The following AP5Z1 variants were observed in gnomAD, a reference collection of about 807,000 sequenced individuals.
The protein encoded by AP5Z1 is adaptor related protein complex 5 subunit zeta 1.
Under a neutral mutation model 83.0 loss-of-function variants are expected in AP5Z1, and 106 were observed. That is an observed-to-expected ratio of 1.28 (90% confidence interval 1.09 to 1.50). The LOEUF is 1.50. Ranked by LOEUF, AP5Z1 falls within the 40% of genes most tolerant of loss-of-function variation. The pLI, the probability that AP5Z1 is intolerant of heterozygous loss-of-function variation, is 0.00. For synonymous variants in AP5Z1, 751 were observed against 514.1 expected (o/e 1.46, Z -6.23); for missense variants, 1,565 against 1,094.2 (o/e 1.43, Z -6.07).
chr7:4,781,543 C>A (rs1282090490), intron 2 of AP5Z1, 25 bp from the exon 3 acceptor site: 2 of 1,599,062 alleles, frequency 1.3e-6, no homozygotes, highest in East Asian at 2.3e-5. Context: ...GTGTTACCGC[C>A]CACCACGGGC....
At chr7:4,790,296 G>A (rs1243765664) in intron 14 of AP5Z1, 163 bp from the exon 15 acceptor site, 3 of 1,545,896 alleles carry the variant, frequency 1.9e-6, no homozygotes, top group Non-Finnish European at 8.7e-7. Context: ...TCCCCAGTGA[G>A]AACAGTTTCT....
At chr7:4,776,125 C>T (rs1781219059) in intron 1 of AP5Z1, among the ~76,000 whole-genome samples, 2 of 152,150 alleles carry the variant, frequency 1.3e-5, no homozygotes, top group African/African-American at 2.4e-5. Context: ...TCACAGTGTC[C>T]GGAGGCCTGC....
chr7:4,788,013 C>T, intron 11 of AP5Z1, 141 bp from the exon 12 acceptor site: 1 of 1,346,840 alleles, frequency 7.4e-7, no homozygotes, highest in Non-Finnish European at 9.8e-7. Flanking sequence ...CACGCCCAGG[C>T]CTGGAGCCTC....
At position 4,791,199 on chromosome 7, in the gene AP5Z1, C is replaced by T; in HGVS notation, c.2238C>T (p.Ala746=). Reference sequence around the variant, plus strand: ...CGCACAGCGAGGAGGGCGCGGAAGCCATCCGTACCCGGGCCACAGAGCTGC... The same window carrying T: ...CGCACAGCGAGGAGGGCGCGGAAGCTATCCGTACCCGGGCCACAGAGCTGC... ...SSTHSEEGAE[A]IRTRATELLT... The change falls in exon 17 of 17, where the codon GCC becomes GCT. Residue 746 remains alanine, a synonymous_variant. Transcript: ENST00000649063. 1 of 1,612,726 alleles carries T rather than the reference C, an allele frequency of 6.2e-7. No individual in the cohort carries two copies. Among genetic ancestry groups the T allele is most frequent in the Admixed American group, 1.7e-5 (1 of 59,996 alleles).
rs555250435 is a variant in AP5Z1, at chr7:4,791,402, G to C, written c.*17G>C. ...CCAGGGTGAAGGGACAGTGGCCAGGGACTTCGGTGCAGATTAAGAGCCTGG... is the reference window on the plus strand; with the variant it reads ...CCAGGGTGAAGGGACAGTGGCCAGGCACTTCGGTGCAGATTAAGAGCCTGG... On this transcript the variant is annotated 3_prime_UTR_variant, in exon 17 of 17. Coordinates refer to ENST00000649063, the MANE Select transcript of AP5Z1 (RefSeq NM_014855.3). 7 of 1,594,302 alleles carry C rather than the reference G, an allele frequency of 4.4e-6. No homozygotes were observed. The highest frequency in any genetic ancestry group is 3.4e-5 in the Admixed American group (2 of 58,152).
chr7:4,784,761 G>T (rs1316272382), intron 6 of AP5Z1, 147 bp from the exon 7 acceptor site: 3 of 1,113,462 alleles, frequency 2.7e-6, no homozygotes, highest in African/African-American at 3.2e-5. Flanking sequence ...GCTGCCGGGT[G>T]GGTGGACGTC....
chr7:4,777,677 C>T (rs1781264297), intron 1 of AP5Z1, among the ~76,000 whole-genome samples: 1 of 152,142 alleles, frequency 6.6e-6, no homozygotes. Flanking sequence ...GTGTGAGCCA[C>T]CATACCCGGC....
chr7:4,790,415 C>G, intron 14 of AP5Z1, 44 bp from the exon 15 acceptor site: 1 of 1,612,156 alleles, frequency 6.2e-7, no homozygotes, highest in South Asian at 1.1e-5. Flanking sequence ...GGGATGGGGT[C>G]ATAGGTCTGC....
intron 7 of AP5Z1, 43 bp from the exon 8 acceptor site, chr7:4,785,372 T>G: frequency 1.2e-6 from 2 of 1,605,606 alleles, no homozygotes; most frequent in Non-Finnish European, 1.7e-6. Flanking sequence ...TGGGCCACTC[T>G]AAGGCTGAGA....
intron 14 of AP5Z1, 167 bp downstream of exon 14, chr7:4,790,096 G>A (rs991009125): frequency 3.8e-6 from 5 of 1,326,294 alleles, no homozygotes; most frequent in African/African-American, 3.3e-5. Flanking sequence ...CCAGCCCCAG[G>A]CACTTCTCTC....
rs532784581 is a variant in AP5Z1, at chr7:4,779,272, CAT to C, written c.42-1901_42-1900del. On this transcript the variant is annotated intron_variant, in intron 1 of 16. Transcript: ENST00000649063. ...ATTAGAAATAATGTATATAACATAA[CAT>C]AACGTATATAACGCATATAACAACA... Among the ~76,000 whole-genome samples, 211 of 145,956 alleles carry C rather than the reference CAT, an allele frequency of 1.4e-3. 1 individual carries two copies. Among genetic ancestry groups the C allele is most frequent in the African/African-American group, 3.7e-3 (148 of 40,008 alleles).
chr7:4,787,698 A>G lies in AP5Z1; in HGVS notation c.1376A>G (p.Asp459Gly). 1 of 1,551,952 alleles carries G rather than the reference A, an allele frequency of 6.4e-7. No homozygotes were observed. The highest frequency in any genetic ancestry group is 8.7e-7 in the Non-Finnish European group (1 of 1,148,896). The change falls in exon 11 of 17, where the codon GAC becomes GGC. Residue 459 changes from aspartate to glycine, a missense_variant. Transcript: ENST00000649063. ...EFVALLPALV[D>G]AGTALEMLHA... ...GTGGCGCTCCTCCCGGCCCTGGTGG[A>G]CGCTGGCACAGCCCTGGAGATGCTG...
chr7:4,782,245 G>C (rs1397301294), intron 3 of AP5Z1, among the ~76,000 whole-genome samples: 1 of 152,068 alleles, frequency 6.6e-6, no homozygotes. Context: ...GTAGGGACCT[G>C]GGGTCTCACT....
Position 4,775,707 on chromosome 7 carries a change from G to T in AP5Z1, c.-9G>T. ...CCGAGGTTCGTGCGCGTCTGGTGGC[G>T]GCGGCGTGATGTTCTCGGCAGGAGC... is the stretch of plus-strand genomic sequence containing the variant. On this transcript the variant is annotated 5_prime_UTR_variant, in exon 1 of 17. Coordinates refer to ENST00000649063, the MANE Select transcript of AP5Z1 (RefSeq NM_014855.3). 1.9e-6 allele frequency: 3 copies of T among 1,606,992 alleles called. No individual in the cohort carries two copies. The highest frequency in any genetic ancestry group is 1.3e-5 in the African/African-American group (1 of 75,058).
At chr7:4,784,435 CAGGGGGACACGGGCGGAGGT>C (rs1370796898) in intron 6 of AP5Z1, 64 bp downstream of exon 6, 25 of 1,507,036 alleles carry the variant, frequency 1.7e-5, no homozygotes, top group Admixed American at 4.1e-5. Context: ...GGGTTGGTCG[CAGGGGGACACGGGCGGAGGT>C]GGGGGGACTC....
chr7:4,786,878 C>T (rs560860323), intron 10 of AP5Z1, among the ~76,000 whole-genome samples: 3 of 152,228 alleles, frequency 2.0e-5, no homozygotes, highest in South Asian at 2.1e-4. Flanking sequence ...TCAAGCGATT[C>T]TCCTGCGTCA....
At chr7:4,781,795 G>C (rs1195566318) in intron 3 of AP5Z1, 41 bp downstream of exon 3, 1 of 1,499,288 alleles carries the variant, frequency 6.7e-7, no homozygotes, top group Admixed American at 2.1e-5. Flanking sequence ...CCGGATGGCT[G>C]CTTCCCAAGG....
At chr7:4,779,095 AAT>A (rs1328197648) in intron 1 of AP5Z1, among the ~76,000 whole-genome samples, 2 of 141,692 alleles carry the variant, frequency 1.4e-5, no homozygotes, top group East Asian at 4.0e-4. Flanking sequence ...ATATATATAA[AAT>A]ATATATTATA....
intron 13 of AP5Z1, among the ~76,000 whole-genome samples, chr7:4,789,626 G>A (rs981139817): frequency 3.3e-5 from 5 of 152,198 alleles, no homozygotes; most frequent in Admixed American, 1.3e-4. Flanking sequence ...CACCTCTGCC[G>A]GGGGCACTTG....
Sources: gnomAD v4.1 joint callset for allele counts (sites outside exome capture counted in the v4.1 genomes callset) on GRCh38, gnomAD v4.1.1 for gene constraint, MANE v1.5 for transcripts, NCBI Gene and HGNC (gene_info 2026-07-23, HGNC 2026-07-21) for gene names.